TUSC3: variants seen among roughly 807,000 people sequenced by gnomAD.
The protein encoded by TUSC3 is dolichyl-diphosphooligosaccharide--protein glycosyltransferase subunit TUSC3.
In TUSC3, 45 loss-of-function variants were observed where a neutral mutation model predicts 44.8. The observed-to-expected ratio is 1.00, with a 90% CI of 0.79 to 1.29. The LOEUF is 1.29. TUSC3 is among the 50% of genes most tolerant of loss of function. The pLI, the probability that TUSC3 is intolerant of heterozygous loss-of-function variation, is 0.00. For synonymous variants in TUSC3, 212 were observed against 152.9 expected, an observed-to-expected ratio of 1.39 and a Z score of -2.85; for missense variants, 519 against 437.9, an observed-to-expected ratio of 1.19 and a Z score of -1.65.
intron 2 of TUSC3, among the ~76,000 whole-genome samples, chr8:15,632,399 T>G (rs1056675220): frequency 6.6e-5 from 10 of 152,204 alleles, no homozygotes; most frequent in African/African-American, 2.4e-4. Flanking sequence ...TATTGTATAT[T>G]ATCAGGAGGC....
chr8:15,424,696 C>T (rs1036697619), intron 1 of TUSC3, among the ~76,000 whole-genome samples: 7 of 151,916 alleles, frequency 4.6e-5, no homozygotes, highest in Non-Finnish European at 7.4e-5. Context: ...CTGGCTAACA[C>T]GGTGAAACCC....
At chr8:15,722,073 G>A (rs1253185873) in intron 6 of TUSC3, among the ~76,000 whole-genome samples, 1 of 151,942 alleles carries the variant, frequency 6.6e-6, no homozygotes, top group Non-Finnish European at 1.5e-5. Flanking sequence ...CCCATTAGCT[G>A]TCTCACTAGT....
intron 6 of TUSC3, among the ~76,000 whole-genome samples, chr8:15,726,135 T>C (rs973091105): frequency 1.8e-4 from 27 of 152,194 alleles, no homozygotes; most frequent in South Asian, 1.0e-3. Context: ...ACGTACTGAC[T>C]GGTGTCATCT....
chr8:15,831,127 AG>A, the TUSC3 span, among the ~76,000 whole-genome samples: 2 of 152,196 alleles, frequency 1.3e-5, no homozygotes, highest in African/African-American at 4.8e-5. Flanking sequence ...TAGAGAACAA[AG>A]ATGGAGCGCA....
chr8:15,828,104 C>T, the TUSC3 span, among the ~76,000 whole-genome samples: 1 of 151,678 alleles, frequency 6.6e-6, no homozygotes, highest in Non-Finnish European at 1.5e-5. Context: ...AAGCAACTCT[C>T]CTGCCTCAGC....
chr8:15,420,592 C>T (rs1431353411), intron 1 of TUSC3, among the ~76,000 whole-genome samples: 1 of 128,804 alleles, frequency 7.8e-6, no homozygotes, highest in Non-Finnish European at 1.6e-5. Context: ...TGTCTGCCTC[C>T]AGTTTCTGCA....
chr8:15,785,454 CTT>C, the TUSC3 span, among the ~76,000 whole-genome samples: 9 of 143,864 alleles, frequency 6.3e-5, no homozygotes, highest in East Asian at 2.0e-4. Context: ...TTTTTCATTC[CTT>C]TTTTTTTTTT....
intron 1 of TUSC3, among the ~76,000 whole-genome samples, chr8:15,450,139 A>G (rs1213943373): frequency 1.3e-5 from 2 of 152,200 alleles, no homozygotes; most frequent in Non-Finnish European, 2.9e-5. Flanking sequence ...CATGTATAAA[A>G]AAAGTGTGAG....
intron 7 of TUSC3, among the ~76,000 whole-genome samples, chr8:15,736,006 G>A (rs928444574): frequency 1.3e-5 from 2 of 152,052 alleles, no homozygotes; most frequent in Admixed American, 6.6e-5. Context: ...GGGATTACAG[G>A]CATGAGCCAC....
intron 6 of TUSC3, among the ~76,000 whole-genome samples, chr8:15,702,151 T>C (rs1375964044): frequency 6.6e-6 from 1 of 152,152 alleles, no homozygotes; most frequent in Non-Finnish European, 1.5e-5. Flanking sequence ...TGGGGCTTCC[T>C]TTTGTAGACT....
chr8:15,681,356 T>C (rs1416577899), intron 6 of TUSC3, among the ~76,000 whole-genome samples: 1 of 151,942 alleles, frequency 6.6e-6, no homozygotes, highest in African/African-American at 2.4e-5. Flanking sequence ...CAGAAGTCAG[T>C]ATTTGTCTGT....
At chr8:15,815,419 T>A in the TUSC3 span, among the ~76,000 whole-genome samples, 1 of 152,112 alleles carries the variant, frequency 6.6e-6, no homozygotes, top group Non-Finnish European at 1.5e-5. Context: ...TGAGTCAGAT[T>A]TTACAGACTC....
chr8:15,507,581 G>C (rs1300801973), intron 2 of TUSC3, among the ~76,000 whole-genome samples: 1 of 151,954 alleles, frequency 6.6e-6, no homozygotes, highest in Non-Finnish European at 1.5e-5. Flanking sequence ...GTTAATTAAA[G>C]GTCTTCTAAA....
the TUSC3 span, among the ~76,000 whole-genome samples, chr8:15,803,592 C>T: frequency 6.6e-6 from 1 of 152,120 alleles, no homozygotes; most frequent in Non-Finnish European, 1.5e-5. Context: ...ACGTGCTGAA[C>T]GTGCAGGTTT....
intron 2 of TUSC3, among the ~76,000 whole-genome samples, chr8:15,517,286 T>G (rs1801230277): frequency 6.6e-6 from 1 of 152,078 alleles, no homozygotes; most frequent in African/African-American, 2.4e-5. Flanking sequence ...CGCCCATAGC[T>G]AAAATGAAAA....
At chr8:15,822,325 T>TA in the TUSC3 span, among the ~76,000 whole-genome samples, 2 of 152,092 alleles carry the variant, frequency 1.3e-5, no homozygotes, top group Admixed American at 6.6e-5. Flanking sequence ...CTACATATTT[T>TA]AAAAAAATAG....
At chr8:15,482,214 C>G (rs1032183871) in intron 1 of TUSC3, among the ~76,000 whole-genome samples, 21 of 152,188 alleles carry the variant, frequency 1.4e-4, no homozygotes, top group African/African-American at 4.6e-4. Context: ...TTCTAGTTTT[C>G]TTGCTATTTC....
At chr8:15,827,371 A>G in the TUSC3 span, among the ~76,000 whole-genome samples, 11 of 152,334 alleles carry the variant, frequency 7.2e-5, no homozygotes, top group East Asian at 2.1e-3. Flanking sequence ...TATGATATTC[A>G]TGAATATTCT....
chr8:15,479,077 C>G (rs746429932), intron 1 of TUSC3, among the ~76,000 whole-genome samples: 1 of 152,166 alleles, frequency 6.6e-6, no homozygotes, highest in East Asian at 1.9e-4. Flanking sequence ...TCATAAATGT[C>G]TTCTTCTGAG....
Sources: allele counts gnomAD v4.1 joint callset (sites outside exome capture counted in the v4.1 genomes callset), GRCh38; gene constraint gnomAD v4.1.1; transcripts MANE v1.5; gene names NCBI Gene and HGNC (gene_info 2026-07-23, HGNC 2026-07-21).